Variants in BMP8A observed in about 807,000 individuals in gnomAD.
BMP8A encodes the protein BMP-8A.
Under a neutral mutation model 36.8 loss-of-function variants are expected in BMP8A, and 14 were observed. That is an observed-to-expected ratio of 0.38 (90% confidence interval 0.25 to 0.60). The LOEUF is 0.60. Ranked by LOEUF, BMP8A falls within the 20% of genes least tolerant of loss-of-function variation. The pLI is 0.63. For missense variants in BMP8A, 267 were observed against 551.1 expected, an observed-to-expected ratio of 0.48 and a Z score of 5.16; for synonymous variants, 120 against 237.7, an observed-to-expected ratio of 0.50 and a Z score of 4.55.
rs369981354 is a variant in BMP8A at position 39,505,985 on chromosome 1, C to CAAAAAAA, written c.335-5189_335-5188insAAAAAAA. On this transcript the variant is annotated intron_variant, in intron 1 of 6. Coordinates refer to ENST00000331593, the MANE Select transcript of BMP8A (RefSeq NM_181809.4). ...TGGGTGACAGAGCAAGACCCTGTCT[C>CAAAAAAA]CAAAAAAAAAAAAAAAAAAAAGTGT... Among the ~76,000 whole-genome samples the CAAAAAAA allele has an allele frequency of 1.5e-4, 14 of 93,912 alleles. 6 individuals are homozygous for CAAAAAAA. Among genetic ancestry groups the CAAAAAAA allele is most frequent in the African/African-American group, 9.5e-5 (2 of 21,150 alleles). The allele number at this position is 93,912 out of a possible 152,430, so 61.6% of individuals were successfully genotyped here.
chr1:39,522,924 C>T (rs1645442826), intron 5 of BMP8A, 83 bp from the exon 6 acceptor site: 2 of 1,323,036 alleles, frequency 1.5e-6, no homozygotes, highest in Admixed American at 4.6e-5. Context: ...GGAGACGGCC[C>T]TGCAGGGCTG....
intron 1 of BMP8A, among the ~76,000 whole-genome samples, chr1:39,509,626 C>T (rs1020980263): frequency 4.6e-5 from 7 of 152,192 alleles, no homozygotes; most frequent in African/African-American, 1.4e-4. Context: ...TCCCCCGCCC[C>T]GCACAGCTGT....
At chr1:39,514,851 G>C in intron 3 of BMP8A, 1 of 1,148,808 alleles carries the variant, frequency 8.7e-7, no homozygotes, top group East Asian at 3.1e-5. Context: ...GACCTGCTGG[G>C]AGGGAGTGCG....
chr1:39,493,196 C>G (rs1373642019), intron 1 of BMP8A, among the ~76,000 whole-genome samples: 10 of 152,188 alleles, frequency 6.6e-5, no homozygotes, highest in Middle Eastern at 3.2e-3. Context: ...CAGCTCAGCC[C>G]GAAGTGGGGG....
At chr1:39,523,311 CAT>C (rs1249718505) in intron 6 of BMP8A, among the ~76,000 whole-genome samples, 194 bp downstream of exon 6, 2 of 152,228 alleles carry the variant, frequency 1.3e-5, no homozygotes, top group African/African-American at 2.4e-5. Context: ...CACTACTACA[CAT>C]AGACCCACAC....
At chr1:39,495,217 G>A (rs1459975145) in intron 1 of BMP8A, among the ~76,000 whole-genome samples, 1 of 152,170 alleles carries the variant, frequency 6.6e-6, no homozygotes, top group Non-Finnish European at 1.5e-5. Flanking sequence ...GAAAAGCCAG[G>A]CCTGGTGCCC....
intron 3 of BMP8A, among the ~76,000 whole-genome samples, chr1:39,519,112 C>T (rs1645413077): frequency 8.6e-6 from 1 of 116,450 alleles, no homozygotes; most frequent in Non-Finnish European, 1.8e-5. Flanking sequence ...CCATAAGACC[C>T]TTGAACACAG....
At chr1:39,514,094 G>C (rs984583571) in intron 3 of BMP8A, among the ~76,000 whole-genome samples, 2 of 141,680 alleles carry the variant, frequency 1.4e-5, no homozygotes, top group Non-Finnish European at 1.5e-5. Context: ...GTGTGGGTCT[G>C]ACTGAGGAGG....
rs796755066 is a variant in BMP8A at position 39,506,992 on chromosome 1, T to TC, written c.335-4182_335-4181insC. Among the ~76,000 whole-genome samples, 5 of 152,298 alleles carry TC rather than the reference T, an allele frequency of 3.3e-5. 1 individual carries two copies. The highest frequency in any genetic ancestry group is 1.2e-4 in the African/African-American group (5 of 41,560). Reference sequence around the variant, plus strand: ...ATAAAGCCTTCAGATCATGAGAAGGTAACAGAGTCAGGAACCTCCTCCTTC... The same window carrying TC: ...ATAAAGCCTTCAGATCATGAGAAGGTCAACAGAGTCAGGAACCTCCTCCTTC... On this transcript the variant is annotated intron_variant, in intron 1 of 6. Transcript: ENST00000331593.
intron 1 of BMP8A, among the ~76,000 whole-genome samples, chr1:39,499,161 G>A (rs1269116804): frequency 6.6e-6 from 1 of 152,248 alleles, no homozygotes; most frequent in Non-Finnish European, 1.5e-5. Flanking sequence ...GGGGCCGGGA[G>A]AGGCTGAAAG....
chr1:39,524,259 T>G lies in BMP8A; in HGVS notation c.1059+1142T>G, dbSNP rs374102514. ...GTGACTGCACCTGCAGCTCCTGGACTCCATCTCCTCTGCCCTTGCCCCTGC... is the reference window on the plus strand; with the variant it reads ...GTGACTGCACCTGCAGCTCCTGGACGCCATCTCCTCTGCCCTTGCCCCTGC... On this transcript the variant is annotated intron_variant, in intron 6 of 6. Coordinates refer to ENST00000331593, the MANE Select transcript of BMP8A (RefSeq NM_181809.4). The surrounding 1 kb of genome is among the most constrained non-coding windows in gnomAD (Gnocchi z 4.0). Among the ~76,000 whole-genome samples the G allele has an allele frequency of 7.9e-5, 12 of 152,222 alleles. No individual in the cohort carries two copies. The highest frequency in any genetic ancestry group is 3.9e-4 in the East Asian group (2 of 5,172).
intron 1 of BMP8A, among the ~76,000 whole-genome samples, chr1:39,505,605 T>C (rs1441920362): frequency 6.6e-6 from 1 of 152,110 alleles, no homozygotes; most frequent in African/African-American, 2.4e-5. Context: ...TTCTTCAAAA[T>C]CCATAACTTC....
In BMP8A at chr1:39,513,714, A is replaced by G. The variant is rs1260520876; in HGVS notation, c.673+1810A>G. On this transcript the variant is annotated intron_variant, in intron 3 of 6. Coordinates refer to ENST00000331593, the MANE Select transcript of BMP8A (RefSeq NM_181809.4). ...CACTGGTCCTCATGGAAATGCCATT[A>G]CAGGGACCGGTGAGCGTGAAGACCC... 1.1e-4 allele frequency among the ~76,000 whole-genome samples: 16 copies of G among 151,842 alleles called. No individual in the cohort carries two copies. In the Admixed American group the frequency reaches 1.1e-3, roughly 10 times the overall value.
At chr1:39,494,936 CCTT>C (rs1349781861) in intron 1 of BMP8A, among the ~76,000 whole-genome samples, 1 of 141,338 alleles carries the variant, frequency 7.1e-6, no homozygotes, top group Non-Finnish European at 1.5e-5. Flanking sequence ...GTCAGAAAGG[CCTT>C]CTTTATTCTG....
chr1:39,517,920 A>G (rs2124372075), intron 3 of BMP8A, among the ~76,000 whole-genome samples: 1 of 152,350 alleles, frequency 6.6e-6, no homozygotes, highest in South Asian at 2.1e-4. Flanking sequence ...CCAAGGGACT[A>G]GATGAGTTTT....
At chr1:39,512,815 TCAAA>T (rs1186674826) in intron 3 of BMP8A, among the ~76,000 whole-genome samples, 87 of 152,290 alleles carry the variant, frequency 5.7e-4, no homozygotes, top group Non-Finnish European at 1.0e-3. Context: ...GAGAAAACCG[TCAAA>T]CAAACCCAAA....
intron 1 of BMP8A, among the ~76,000 whole-genome samples, chr1:39,494,656 C>T (rs560514834): frequency 6.6e-6 from 1 of 152,260 alleles, no homozygotes; most frequent in East Asian, 1.9e-4. Context: ...TGCCTGGCCA[C>T]GTGTGAACTT....
intron 1 of BMP8A, among the ~76,000 whole-genome samples, chr1:39,498,432 G>A (rs1308801212): frequency 1.7e-4 from 26 of 152,236 alleles, no homozygotes; most frequent in Admixed American, 5.2e-4. Flanking sequence ...GCCTTGGCGG[G>A]CTTGATGTGG....
rs372149083 is a variant in BMP8A, at chr1:39,521,345, G to A, written c.674-31G>A. On this transcript the variant is annotated intron_variant, in intron 3 of 6. Transcript: ENST00000331593. ...TGTGTCTGCTGCAGGGCCGCTGCCC[G>A]TGAGTGACCCCTCTCTCCTTTCTGT... 7.7e-5 allele frequency: 83 copies of A among 1,074,802 alleles called. 20 individuals are homozygous for A. The highest frequency in any genetic ancestry group is 7.3e-4 in the African/African-American group (36 of 49,544). The allele number at this position is 1,074,802 out of a possible 1,614,324, so 66.6% of individuals were successfully genotyped here. A position where few individuals can be genotyped will look rare whatever the true frequency, so the allele number is the denominator to read the frequency against.
Sources: gnomAD v4.1 joint callset for allele counts (sites outside exome capture counted in the v4.1 genomes callset) on GRCh38, gnomAD v4.1.1 for gene constraint, Gnocchi (gnomAD v3.1) non-coding constraint, MANE v1.5 for transcripts, NCBI Gene and HGNC (gene_info 2026-07-23, HGNC 2026-07-21) for gene names.